Variants in RASSF8 observed in about 807,000 individuals in gnomAD.
RASSF8 encodes the protein ras association domain-containing protein 8.
RASSF8 carries 22 observed loss-of-function variants against 48.5 expected under a neutral mutation model. That is an observed-to-expected ratio of 0.45 (90% CI 0.32 to 0.65). The LOEUF (loss-of-function observed/expected upper bound fraction) is 0.65. Among genes scored for constraint, RASSF8 ranks in the 30% least tolerant of loss-of-function variants. The pLI is 0.03. For missense variants in RASSF8, 418 were observed against 489.2 expected (o/e 0.85, Z 1.37); for synonymous variants, 127 against 171.5 (o/e 0.74, Z 2.03).
intron 1 of RASSF8, among the ~76,000 whole-genome samples, chr12:25,964,229 T>G (rs1328473825): frequency 6.6e-6 from 1 of 152,192 alleles, no homozygotes; most frequent in Non-Finnish European, 1.5e-5. Flanking sequence ...ACCAATAATA[T>G]TTATTACCCA....
intron 1 of RASSF8, among the ~76,000 whole-genome samples, chr12:25,969,450 A>G (rs1328420698): frequency 6.6e-6 from 1 of 152,214 alleles, no homozygotes; most frequent in Non-Finnish European, 1.5e-5. Flanking sequence ...TGTTTGTTAA[A>G]TAGAATTAGT....
intron 2 of RASSF8, among the ~76,000 whole-genome samples, chr12:26,016,552 C>A (rs1235865499): frequency 6.6e-6 from 1 of 152,138 alleles, no homozygotes; most frequent in African/African-American, 2.4e-5. Flanking sequence ...ATGTAAGAAT[C>A]TGTGCGAAAG....
chr12:26,070,201 C>A lies in RASSF8; in HGVS notation c.*1383C>A, dbSNP rs950947864. On this transcript the variant is annotated 3_prime_UTR_variant, in exon 6 of 6. Transcript: ENST00000689635. ...CATCCTCTGTATTATTTACATGCAA[C>A]AAAATAAAAGTGGATTAATATAGTA... 6 of 965,548 alleles carry A rather than the reference C, an allele frequency of 6.2e-6. 1 individual carries two copies. In the South Asian group the frequency reaches 2.9e-4, roughly 46 times the overall value. 59.8% of individuals were successfully genotyped at this position (965,548 alleles called of 1,614,324 possible).
intron 1 of RASSF8, among the ~76,000 whole-genome samples, chr12:25,976,646 G>T (rs1380393539): frequency 6.6e-6 from 1 of 152,172 alleles, no homozygotes; most frequent in Non-Finnish European, 1.5e-5. Context: ...GCTTGGGTCT[G>T]CTCCCACACT....
In RASSF8 at chr12:25,992,348, C is replaced by T. The variant is rs540132440; in HGVS notation, c.-202-2689C>T. On this transcript the variant is annotated intron_variant, in intron 1 of 5. Coordinates refer to ENST00000689635, the MANE Select transcript of RASSF8 (RefSeq NM_001394098.1). ...TGCTTGAGTTCAGTTCTTGCCTCTCCTGTTTAGCTCTATGACCCTGGGCCA... is the reference window on the plus strand; with the variant it reads ...TGCTTGAGTTCAGTTCTTGCCTCTCTTGTTTAGCTCTATGACCCTGGGCCA... Among the ~76,000 whole-genome samples, 5 of 152,314 alleles carry T rather than the reference C, an allele frequency of 3.3e-5. No homozygotes were observed. The East Asian group carries it at 7.7e-4, about 24-fold the overall frequency.
At chr12:26,007,375 C>A (rs1465535305) in intron 2 of RASSF8, among the ~76,000 whole-genome samples, 1 of 152,224 alleles carries the variant, frequency 6.6e-6, no homozygotes, top group African/African-American at 2.4e-5. Flanking sequence ...GTTCTCCTCA[C>A]TAGCAAATCT....
intron 1 of RASSF8, among the ~76,000 whole-genome samples, chr12:25,994,168 C>G (rs1193107095): frequency 6.6e-6 from 1 of 151,904 alleles, no homozygotes; most frequent in Non-Finnish European, 1.5e-5. Context: ...TTCTTATGCT[C>G]TAATTTGATA....
chr12:25,990,878 C>G (rs915749957), intron 1 of RASSF8, among the ~76,000 whole-genome samples: 1 of 152,088 alleles, frequency 6.6e-6, no homozygotes, highest in Non-Finnish European at 1.5e-5. Flanking sequence ...CGGGTTTTCT[C>G]TTTTCAATAA....
At chr12:26,018,749 A>G (rs1942714250) in intron 2 of RASSF8, among the ~76,000 whole-genome samples, 1 of 152,360 alleles carries the variant, frequency 6.6e-6, no homozygotes, top group East Asian at 1.9e-4. Context: ...ACAATGAGGA[A>G]GTAAATTGGC....
chr12:25,979,488 G>A (rs948396164), intron 1 of RASSF8, among the ~76,000 whole-genome samples: 22 of 151,690 alleles, frequency 1.5e-4, no homozygotes, highest in Admixed American at 1.4e-3. Flanking sequence ...AAGAATTGGA[G>A]ACTTAAAAAA....
intron 2 of RASSF8, 65 bp from the exon 3 acceptor site, chr12:26,055,171 C>T: frequency 1.6e-6 from 1 of 614,066 alleles, no homozygotes; most frequent in Admixed American, 2.7e-5. Flanking sequence ...TTGTGTAATA[C>T]TTACATACTT....
intron 1 of RASSF8, among the ~76,000 whole-genome samples, chr12:25,990,618 A>T (rs912805080): frequency 6.6e-6 from 1 of 152,224 alleles, no homozygotes; most frequent in African/African-American, 2.4e-5. Context: ...AACCTAAGAT[A>T]CCTTCCTTAC....
At position 26,068,964 on chromosome 12, in the gene RASSF8, A is replaced by G. The variant is rs1482874442; in HGVS notation, c.*146A>G. 2.8e-6 allele frequency: 4 copies of G among 1,422,588 alleles called. No individual in the cohort carries two copies. The African/African-American group carries it at 4.3e-5, about 15-fold the overall frequency. 88.1% of individuals were successfully genotyped at this position (1,422,588 alleles called of 1,614,324 possible). A position where few individuals can be genotyped will look rare whatever the true frequency, so the allele number is the denominator to read the frequency against. ...CCTAAATTGCATACCACTTGGAGCCATACCCTGTGCACTGATGCTAAAGAA... is the reference window on the plus strand; with the variant it reads ...CCTAAATTGCATACCACTTGGAGCCGTACCCTGTGCACTGATGCTAAAGAA... On this transcript the variant is annotated 3_prime_UTR_variant, in exon 6 of 6. Coordinates refer to ENST00000689635, the MANE Select transcript of RASSF8 (RefSeq NM_001394098.1).
intron 3 of RASSF8, among the ~76,000 whole-genome samples, chr12:26,061,527 C>T (rs1229491636): frequency 6.6e-6 from 1 of 151,602 alleles, no homozygotes; most frequent in Non-Finnish European, 1.5e-5. Context: ...TCCTACAATG[C>T]AAAAACAGCT....
chr12:25,993,131 A>G (rs1254948022), intron 1 of RASSF8, among the ~76,000 whole-genome samples: 1 of 152,158 alleles, frequency 6.6e-6, no homozygotes, highest in Non-Finnish European at 1.5e-5. Flanking sequence ...TTACATTCCC[A>G]GGGTACCCAC....
chr12:25,972,729 A>AT (rs1203375252), intron 1 of RASSF8, among the ~76,000 whole-genome samples: 1 of 152,202 alleles, frequency 6.6e-6, no homozygotes, highest in East Asian at 1.9e-4. Context: ...TATTAACATA[A>AT]TTTTTTGACT....
chr12:26,031,139 C>G (rs550105414), intron 2 of RASSF8, among the ~76,000 whole-genome samples: 1 of 152,256 alleles, frequency 6.6e-6, no homozygotes, highest in South Asian at 2.1e-4. Context: ...CTTTATTTTA[C>G]AACTAGTAAC....
chr12:26,005,858 A>T (rs1942378610), intron 2 of RASSF8, among the ~76,000 whole-genome samples: 1 of 152,180 alleles, frequency 6.6e-6, no homozygotes, highest in Admixed American at 6.5e-5. Flanking sequence ...ACTTGTCTTG[A>T]ACCTCCAATT....
At chr12:26,007,275 CA>C (rs1942414881) in intron 2 of RASSF8, among the ~76,000 whole-genome samples, 1 of 152,148 alleles carries the variant, frequency 6.6e-6, no homozygotes, top group Admixed American at 6.5e-5. Context: ...CAAATTTCAA[CA>C]TAACACCAGA....
Sources: gnomAD v4.1 joint callset for allele counts (sites outside exome capture counted in the v4.1 genomes callset) on GRCh38, gnomAD v4.1.1 for gene constraint, MANE v1.5 for transcripts, NCBI Gene and HGNC (gene_info 2026-07-23, HGNC 2026-07-21) for gene names.